STAC2: variants seen among roughly 807,000 people sequenced by gnomAD.
The protein encoded by STAC2 is SH3 and cysteine rich domain 2.
In STAC2, 36 loss-of-function variants were observed where a neutral mutation model predicts 49.0. The observed-to-expected ratio is 0.74, with a 90% CI of 0.56 to 0.97. STAC2 has a LOEUF of 0.97. STAC2 is among the 50% of genes least tolerant of loss of function. The pLI is 0.00. For missense variants in STAC2, 527 were observed against 543.8 expected (o/e 0.97, Z 0.31); for synonymous variants, 239 against 214.7 (o/e 1.11, Z -0.99).
intron 9 of STAC2, among the ~76,000 whole-genome samples, 174 bp downstream of exon 9, chr17:39,213,333 A>C (rs1035317545): frequency 6.6e-6 from 1 of 152,194 alleles, no homozygotes; most frequent in African/African-American, 2.4e-5. Flanking sequence ...TGAGGCAAGG[A>C]GAGTCAAAAC....
chr17:39,218,535 T>C (rs1336931075), intron 1 of STAC2, among the ~76,000 whole-genome samples: 2 of 152,194 alleles, frequency 1.3e-5, no homozygotes, highest in Non-Finnish European at 2.9e-5. Context: ...AAAAGAAATC[T>C]AGACTTTTAT....
intron 1 of STAC2, among the ~76,000 whole-genome samples, chr17:39,222,442 C>G: frequency 6.6e-6 from 1 of 152,210 alleles, no homozygotes; most frequent in East Asian, 1.9e-4. Flanking sequence ...AGAGATCAGA[C>G]TGTGGCTACA....
Position 39,218,263 on chromosome 17 carries a change from G to GGCA in STAC2, c.91-93_91-91dup, listed in dbSNP as rs553618301. 328 of 1,350,494 alleles carry GGCA rather than the reference G, an allele frequency of 2.4e-4. 1 individual carries two copies. The highest frequency in any genetic ancestry group is 1.5e-3 in the South Asian group (126 of 83,196). 83.7% of individuals were successfully genotyped at this position (1,350,494 alleles called of 1,614,324 possible). On this transcript the variant is annotated intron_variant, in intron 1 of 10. Transcript: ENST00000333461. ...TCAGGGTGTCTCTGGCGGTAGGGGCGGCAGCAGCAGCAGCAGCAGCAGCGT... is the reference window on the plus strand; with the variant it reads ...TCAGGGTGTCTCTGGCGGTAGGGGCGGCAGCAGCAGCAGCAGCAGCAGCAGCGT...
intron 1 of STAC2, among the ~76,000 whole-genome samples, 189 bp from the exon 2 acceptor site, chr17:39,218,362 C>T (rs1451046375): frequency 6.6e-6 from 1 of 152,130 alleles, no homozygotes; most frequent in Non-Finnish European, 1.5e-5. Flanking sequence ...TTCGCAATCT[C>T]AGGTGCCACA....
intron 3 of STAC2, 70 bp from the exon 4 acceptor site, chr17:39,216,970 CCAGGGCCCACCCCA>C: frequency 6.3e-7 from 1 of 1,582,950 alleles, no homozygotes; most frequent in East Asian, 2.3e-5. Context: ...CTTCCCAAGC[CCAGGGCCCACCCCA>C]CAGGAAGGAG....
At chr17:39,223,017 AGAG>A (rs558993117) in intron 1 of STAC2, among the ~76,000 whole-genome samples, 47 of 152,292 alleles carry the variant, frequency 3.1e-4, no homozygotes, top group Non-Finnish European at 4.7e-4. Context: ...GGAGACCAAG[AGAG>A]GAGGAGGACT....
chr17:39,214,523 G>A (rs2046383931), intron 7 of STAC2, 193 bp from the exon 8 acceptor site: 5 of 927,150 alleles, frequency 5.4e-6, no homozygotes, highest in Non-Finnish European at 6.4e-6. Flanking sequence ...GGAATGGAGA[G>A]GGGAGCCCCC....
In STAC2 at chr17:39,213,113, A is replaced by G. The variant is rs757873986; in HGVS notation, c.1013T>C (p.Val338Ala). ...DWWKGKIGDR[V>A]GFFPANFVQR... ...CACAAAATTAGCTGGGAAGAAGCCA[A>G]CCCGGTCGCCGATCTTGCCCTGGGG... The change falls in exon 10 of 11, where the codon GTT becomes GCT. Residue 338 changes from valine to alanine, a missense_variant. Physicochemically the swap from Val to Ala is moderately conservative, Grantham distance 64. Transcript: ENST00000333461. 1.2e-6 allele frequency: 2 copies of G among 1,609,848 alleles called. No individual in the cohort carries two copies. Among genetic ancestry groups the G allele is most frequent in the South Asian group, 1.1e-5 (1 of 91,076 alleles).
At position 39,214,316 on chromosome 17, in the gene STAC2, G is replaced by A. The variant is rs991931303; in HGVS notation, c.858C>T (p.Thr286=). 15 of 1,613,978 alleles carry A rather than the reference G, an allele frequency of 9.3e-6. No individual in the cohort carries two copies. In the South Asian group the frequency reaches 1.4e-4, roughly 15 times the overall value. The change falls in exon 8 of 11, where the codon ACC becomes ACT. Residue 286 remains threonine (T), a synonymous_variant. Transcript: ENST00000333461. ...ACATGGGCCCCACATCCTTCCGCAGGGTGGCTTTGGGGAGCTGCGGGAGAA... is the reference window on the plus strand; with the variant it reads ...ACATGGGCCCCACATCCTTCCGCAGAGTGGCTTTGGGGAGCTGCGGGAGAA... The part of the protein sequence containing the change: ...KSPGQQLPKA[T]LRKDVGPMYS...
chr17:39,215,326 C>T, intron 4 of STAC2, 96 bp from the exon 5 acceptor site: 2 of 1,252,796 alleles, frequency 1.6e-6, no homozygotes, highest in Non-Finnish European at 2.3e-6. Flanking sequence ...CCCAGCTGCC[C>T]CCTCACCTGT....
chr17:39,221,137 C>T (rs2046458859), intron 1 of STAC2, among the ~76,000 whole-genome samples: 1 of 151,376 alleles, frequency 6.6e-6, no homozygotes, highest in Admixed American at 6.6e-5. Flanking sequence ...GCTTTGTTGC[C>T]CAGGCTGGAG....
chr17:39,217,782 C>T (rs2046418861), intron 2 of STAC2, 85 bp downstream of exon 2: 1 of 1,384,564 alleles, frequency 7.2e-7, no homozygotes, highest in Non-Finnish European at 9.8e-7. Context: ...AGCAAGAGCC[C>T]AATAATATTG....
Position 39,225,319 on chromosome 17 carries a change from G to A in STAC2, c.90+94C>T. 1 of 1,107,756 alleles carries A rather than the reference G, an allele frequency of 9.0e-7. No individual in the cohort carries two copies. The highest frequency in any genetic ancestry group is 1.6e-5 in the South Asian group (1 of 61,900). 68.6% of individuals were successfully genotyped at this position (1,107,756 alleles called of 1,614,324 possible). A position where few individuals can be genotyped will look rare whatever the true frequency, so the allele number is the denominator to read the frequency against. ...CAGTGGTCACGCGGGCCTCGCGACC[G>A]CGACCCTAGGACGCCCGGGCCCACA... On this transcript the variant is annotated intron_variant, in intron 1 of 10. Transcript: ENST00000333461. This position sits in a 1 kb window ranked among gnomAD's most constrained non-coding sequence, Gnocchi z 8.2.
In STAC2 at chr17:39,217,018, C is replaced by T. The variant is rs114879940; in HGVS notation, c.495+58G>A. The stretch of plus-strand genomic sequence containing the variant: ...AGCAGCCCTGAGGGATACTCATTCT[C>T]CCATGTGACAGTACTGGCAGCACTC... On this transcript the variant is annotated intron_variant, in intron 3 of 10. Transcript: ENST00000333461. 1,361 of 1,608,564 alleles carry T rather than the reference C, an allele frequency of 8.5e-4. 11 individuals carry two copies. The African/African-American group carries it at 0.016, about 19-fold the overall frequency.
chr17:39,220,910 C>T (rs1169005275), intron 1 of STAC2, among the ~76,000 whole-genome samples: 2 of 152,018 alleles, frequency 1.3e-5, no homozygotes, highest in African/African-American at 2.4e-5. Context: ...CATTCTCCTG[C>T]CTCAGCCTCC....
At position 39,217,879 on chromosome 17, in the gene STAC2, G is replaced by A; in HGVS notation, c.385C>T (p.Gln129Ter). 4 of 1,604,160 alleles carry A rather than the reference G, an allele frequency of 2.5e-6. No homozygotes were observed. Among genetic ancestry groups the A allele is most frequent in the Non-Finnish European group, 3.4e-6 (4 of 1,176,150 alleles). Reference protein sequence around the residue: ...KRASPCELCHQLIVGNSKQGL... With the variant: ...KRASPCELCH ...CCCAGGCACCTACCTACGATGAGCT[G>A]GTGGCACAGCTCACAAGGGCTAGCT... The change falls in exon 2 of 11, where the codon CAG becomes TAG. Residue 129 changes from glutamine (Q) to a stop codon, truncating the protein, a stop_gained. Coordinates refer to ENST00000333461, the MANE Select transcript of STAC2 (RefSeq NM_198993.5). LOFTEE classifies it high-confidence loss of function.
intron 1 of STAC2, among the ~76,000 whole-genome samples, chr17:39,222,643 G>A (rs1040341822): frequency 3.3e-5 from 5 of 152,134 alleles, no homozygotes; most frequent in Non-Finnish European, 7.3e-5. Flanking sequence ...ACTTCCCTGG[G>A]ACCCATTCTC....
At chr17:39,224,771 G>A (rs1243509185) in intron 1 of STAC2, among the ~76,000 whole-genome samples, 1 of 152,104 alleles carries the variant, frequency 6.6e-6, no homozygotes, top group African/African-American at 2.4e-5. Context: ...CCCCGTCCTC[G>A]CCCGTGACCG....
At chr17:39,220,247 G>C (rs1309288822) in intron 1 of STAC2, among the ~76,000 whole-genome samples, 2 of 152,172 alleles carry the variant, frequency 1.3e-5, no homozygotes, top group Admixed American at 1.3e-4. Flanking sequence ...CTCAGCCCAG[G>C]TCAGGCTCTG....
Sources: gnomAD v4.1 joint callset for allele counts (sites outside exome capture counted in the v4.1 genomes callset) on GRCh38, gnomAD v4.1.1 for gene constraint, Gnocchi (gnomAD v3.1) non-coding constraint, MANE v1.5 for transcripts, NCBI Gene and HGNC (gene_info 2026-07-23, HGNC 2026-07-21) for gene names.